Variants in MICALL2 observed in about 807,000 individuals in gnomAD.
MICALL2 encodes the protein MICAL like 2.
In MICALL2, 111 loss-of-function variants were observed where a neutral mutation model predicts 91.1. The ratio of observed to expected loss-of-function variants is 1.22; its 90% CI spans 1.04 to 1.43. The LOEUF (loss-of-function observed/expected upper bound fraction) is 1.43. Ranked by LOEUF, MICALL2 falls within the 40% of genes most tolerant of loss-of-function variation. MICALL2 has a pLI of 0.00. For missense variants in MICALL2, 1,556 were observed against 1,236.0 expected (o/e 1.26, Z -3.88); for synonymous variants, 694 against 525.3 (o/e 1.32, Z -4.39).
chr7:1,440,816 C>T, intron 7 of MICALL2, 132 bp from the exon 8 acceptor site: 2 of 725,120 alleles, frequency 2.8e-6, no homozygotes, highest in Non-Finnish European at 2.4e-6. Flanking sequence ...AGCCAGCCGG[C>T]CGGGGGGCAT....
intron 6 of MICALL2, 143 bp downstream of exon 6, chr7:1,444,509 G>A (rs1006667028): frequency 2.0e-5 from 17 of 838,730 alleles, no homozygotes; most frequent in Non-Finnish European, 2.9e-5. Flanking sequence ...ATTCCCCAGA[G>A]AAGGAAACAG....
chr7:1,436,098 A>C (rs565001380), intron 15 of MICALL2, among the ~76,000 whole-genome samples: 1 of 150,226 alleles, frequency 6.7e-6, no homozygotes, highest in Non-Finnish European at 1.5e-5. Flanking sequence ...AAAAAAAACT[A>C]AGACTTTACG....
chr7:1,451,184 G>T lies in MICALL2; in HGVS notation c.144-896C>A, dbSNP rs1194454630. ...GCCTGGACAGCAGGGCCCTTCTGGGGACGCCAAGAGGACAGCCCCACGTGA... is the reference window on the plus strand; with the variant it reads ...GCCTGGACAGCAGGGCCCTTCTGGGTACGCCAAGAGGACAGCCCCACGTGA... On this transcript the variant is annotated intron_variant, in intron 1 of 16. Coordinates refer to ENST00000297508, the MANE Select transcript of MICALL2 (RefSeq NM_182924.4). This position sits in a 1 kb window ranked among gnomAD's most constrained non-coding sequence, Gnocchi z 4.5. Among the ~76,000 whole-genome samples, 1 of 151,944 alleles carries T rather than the reference G, an allele frequency of 6.6e-6. No homozygotes were observed. The highest frequency in any genetic ancestry group is 1.5e-5 in the Non-Finnish European group (1 of 67,978).
Position 1,448,825 on chromosome 7 carries a change from A to G in MICALL2, c.193-64T>C, listed in dbSNP as rs1273364977. On this transcript the variant is annotated intron_variant, in intron 2 of 16. Coordinates refer to ENST00000297508, the MANE Select transcript of MICALL2 (RefSeq NM_182924.4). ...GCCCCCTCCTTCTCCACCAGGCCGC[A>G]GCTCACCTCGACTCAAAGACACAGT... 13 of 1,585,258 alleles carry G rather than the reference A, an allele frequency of 8.2e-6. 1 individual carries two copies. The highest frequency in any genetic ancestry group is 1.7e-5 in the Admixed American group (1 of 59,198).
intron 13 of MICALL2, 68 bp downstream of exon 13, chr7:1,437,822 C>G: frequency 6.9e-7 from 1 of 1,442,172 alleles, no homozygotes; most frequent in Non-Finnish European, 9.5e-7. Flanking sequence ...CTCCTGTCCC[C>G]CGCCTGGCCT....
chr7:1,437,996 A>AGCTGGG lies in MICALL2; in HGVS notation c.2312-22_2312-17dup, dbSNP rs1356168039. The AGCTGGG allele has an allele frequency of 1.9e-5, 29 of 1,550,842 alleles. No homozygotes were observed. Among genetic ancestry groups the AGCTGGG allele is most frequent in the Non-Finnish European group, 2.4e-5 (28 of 1,147,836 alleles). ...TCAGCGTCATCTGGGGAGAGGAGCC[A>AGCTGGG]GCTGGGGCAGGGGGGCCCGCCAGAG... On this transcript the variant is annotated splice_polypyrimidine_tract_variant and intron_variant, in intron 12 of 16. Transcript: ENST00000297508.
intron 10 of MICALL2, 187 bp downstream of exon 10, chr7:1,438,653 T>C: frequency 7.0e-7 from 1 of 1,423,594 alleles, no homozygotes; most frequent in African/African-American, 1.4e-5. Context: ...AACAAGGTAC[T>C]CTGAAACAGC....
At chr7:1,454,692 C>T (rs918183355) in intron 1 of MICALL2, among the ~76,000 whole-genome samples, 6 of 152,238 alleles carry the variant, frequency 3.9e-5, no homozygotes, top group Non-Finnish European at 8.8e-5. Flanking sequence ...TTCCTGCTGA[C>T]CCAACCCCGC....
rs1780854718 is a variant in MICALL2 at position 1,452,070 on chromosome 7, C to T, written c.144-1782G>A. On this transcript the variant is annotated intron_variant, in intron 1 of 16. Coordinates refer to ENST00000297508, the MANE Select transcript of MICALL2 (RefSeq NM_182924.4). The surrounding 1 kb of genome is among the most constrained non-coding windows in gnomAD (Gnocchi z 6.2). ...GCCTGCAGCCCTGCCGTCCATCAATCTGCTGGGATCCTTGGGAACCCTCCA... is the reference window on the plus strand; with the variant it reads ...GCCTGCAGCCCTGCCGTCCATCAATTTGCTGGGATCCTTGGGAACCCTCCA... Among the ~76,000 whole-genome samples, 2 of 152,294 alleles carry T rather than the reference C, an allele frequency of 1.3e-5. No homozygotes were observed. The highest frequency in any genetic ancestry group is 1.3e-4 in the Admixed American group (2 of 15,302).
intron 2 of MICALL2, 29 bp from the exon 3 acceptor site, chr7:1,448,790 G>A: frequency 6.2e-7 from 1 of 1,609,420 alleles, no homozygotes. Context: ...GGTCAGCGGG[G>A]CAGCTGGGAG....
chr7:1,450,337 G>A, intron 1 of MICALL2, 49 bp from the exon 2 acceptor site: 1 of 1,490,364 alleles, frequency 6.7e-7, no homozygotes, highest in Non-Finnish European at 9.4e-7. Context: ...TCCACGAAGG[G>A]AGGGGCTGGA....
In MICALL2 at chr7:1,444,760, G is replaced by C. The variant is rs753113306; in HGVS notation, c.1310C>G (p.Pro437Arg). 1.2e-6 allele frequency: 2 copies of C among 1,612,276 alleles called. No homozygotes were observed. The highest frequency in any genetic ancestry group is 1.7e-6 in the Non-Finnish European group (2 of 1,179,798). Reference sequence around the variant, plus strand: ...CTTGGATAGAACAAGTGACGGGGTGGGACCTCTGCCAGAAAGGCTGGTGCC... The same window carrying C: ...CTTGGATAGAACAAGTGACGGGGTGCGACCTCTGCCAGAAAGGCTGGTGCC... ...PPGTSLSGRG[P>R]TPSLVLSKDS... The change falls in exon 6 of 17, where the codon CCC becomes CGC. Residue 437 changes from proline (P) to arginine (R), a missense_variant. Coordinates refer to ENST00000297508, the MANE Select transcript of MICALL2 (RefSeq NM_182924.4).
At chr7:1,438,691 T>C (rs1330621604) in intron 10 of MICALL2, 149 bp downstream of exon 10, 3 of 1,471,728 alleles carry the variant, frequency 2.0e-6, no homozygotes, top group Non-Finnish European at 2.7e-6. Flanking sequence ...AGGGCGGGCC[T>C]GGGGCACGGG....
In MICALL2 at chr7:1,435,150, G is replaced by C; in HGVS notation, c.2592-3C>G. ...GCATCTGATCCTCCTCTTGTTCCCT[G>C]AAACGGGACCAGATGGCCATGAGCG... is the stretch of plus-strand genomic sequence containing the variant. On this transcript the variant is annotated splice_polypyrimidine_tract_variant and splice_region_variant and intron_variant, in intron 15 of 16. Coordinates refer to ENST00000297508, the MANE Select transcript of MICALL2 (RefSeq NM_182924.4). 1 of 1,613,462 alleles carries C rather than the reference G, an allele frequency of 6.2e-7. No homozygotes were observed. The highest frequency in any genetic ancestry group is 1.1e-5 in the South Asian group (1 of 91,076).
rs973938514 is a variant in MICALL2, at chr7:1,438,136, C to G, written c.2272G>C (p.Gly758Arg). The G allele has an allele frequency of 6.4e-7, 1 of 1,561,590 alleles. No individual in the cohort carries two copies. The highest frequency in any genetic ancestry group is 1.4e-5 in the African/African-American group (1 of 73,804). The change falls in exon 12 of 17, where the codon GGC becomes CGC. Residue 758 changes from glycine (G) to arginine (R), a missense_variant. Transcript: ENST00000297508. Reference protein sequence around the residue: ...ERRLDALELRGVELEKRLRAA... With the variant: ...ERRLDALELRRVELEKRLRAA... ...CGCAGTCGCTTCTCCAGCTCCACGC[C>G]GCGGAGCTCCAGGGCGTCCAGCCGC...
chr7:1,439,721 A>G (rs1251241283), intron 9 of MICALL2: 6 of 442,772 alleles, frequency 1.4e-5, no homozygotes, highest in African/African-American at 1.2e-4. Context: ...CAGGCATCAC[A>G]TACATGAACA....
chr7:1,444,518 A>G, intron 6 of MICALL2, 134 bp downstream of exon 6: 7 of 872,192 alleles, frequency 8.0e-6, no homozygotes, highest in Non-Finnish European at 3.4e-6. Context: ...AGAAGGAAAC[A>G]GGCTGGGGGA....
At chr7:1,439,681 A>G (rs962921815) in intron 9 of MICALL2, 6 of 414,802 alleles carry the variant, frequency 1.4e-5, no homozygotes, top group African/African-American at 6.2e-5. Flanking sequence ...ACAGATGTAC[A>G]CATGCGCACA....
chr7:1,445,917 G>A (rs1357125942), intron 5 of MICALL2, among the ~76,000 whole-genome samples: 2 of 151,870 alleles, frequency 1.3e-5, no homozygotes, highest in Non-Finnish European at 2.9e-5. Context: ...TGGCAGCAAG[G>A]GGCTGGGGAT....
Sources: allele counts gnomAD v4.1 joint callset (sites outside exome capture counted in the v4.1 genomes callset), GRCh38; gene constraint gnomAD v4.1.1; non-coding constraint Gnocchi (gnomAD v3.1); transcripts MANE v1.5; gene names NCBI Gene and HGNC (gene_info 2026-07-23, HGNC 2026-07-21).